KPNA1: variants seen among roughly 807,000 people sequenced by gnomAD.
KPNA1 encodes karyopherin subunit alpha 1.
KPNA1 carries 10 observed loss-of-function variants against 70.5 expected under a neutral mutation model. The observed-to-expected ratio is 0.14, with a 90% CI of 0.09 to 0.24. The LOEUF is 0.24. Ranked by LOEUF, KPNA1 falls within the 10% of genes least tolerant of loss-of-function variation. KPNA1 has a pLI of 1.00. For missense variants in KPNA1, 397 were observed against 637.9 expected (o/e 0.62, Z 4.07); for synonymous variants, 192 against 221.9 (o/e 0.87, Z 1.20).
chr3:122,464,191 T>A, intron 3 of KPNA1, 150 bp from the exon 4 acceptor site: 1 of 423,342 alleles, frequency 2.4e-6, no homozygotes, highest in Non-Finnish European at 4.2e-6. Context: ...TATAGAAACG[T>A]GTAAGATTAT....
intron 3 of KPNA1, among the ~76,000 whole-genome samples, chr3:122,466,257 G>T (rs1014541045): frequency 2.6e-5 from 4 of 151,944 alleles, no homozygotes; most frequent in East Asian, 1.9e-4. Context: ...AAAAAAAAAG[G>T]TGGGGGAGAG....
At position 122,449,739 on chromosome 3, in the gene KPNA1, T is replaced by C; in HGVS notation, c.754-2A>G. On this transcript the variant is annotated splice_acceptor_variant, in intron 8 of 13. Coordinates refer to ENST00000344337, the MANE Select transcript of KPNA1 (RefSeq NM_002264.4). LOFTEE classifies it high-confidence loss of function. ...AAGCACATTCAGACATGGAGAAACC[T>C]GTAAAAGGAAAATGATGATTATGAA... The C allele has an allele frequency of 6.2e-7, 1 of 1,600,618 alleles. No homozygotes were observed. The highest frequency in any genetic ancestry group is 8.5e-7 in the Non-Finnish European group (1 of 1,175,802).
chr3:122,504,966 G>T (rs2076874224), intron 1 of KPNA1, among the ~76,000 whole-genome samples: 1 of 151,446 alleles, frequency 6.6e-6, no homozygotes, highest in African/African-American at 2.4e-5. Context: ...TAATTAATGT[G>T]TCTGAAGCAG....
chr3:122,508,162 G>A (rs2076912912), intron 1 of KPNA1, among the ~76,000 whole-genome samples: 1 of 151,788 alleles, frequency 6.6e-6, no homozygotes, highest in Admixed American at 6.6e-5. Context: ...CCAGAACCAC[G>A]GCATAAAGAG....
chr3:122,480,156 A>T (rs935354421), intron 2 of KPNA1, among the ~76,000 whole-genome samples: 1 of 152,142 alleles, frequency 6.6e-6, no homozygotes, highest in African/African-American at 2.4e-5. Context: ...TTGTTGTAGG[A>T]GGTTGGGGAA....
At chr3:122,493,041 A>G (rs887236460) in intron 2 of KPNA1, among the ~76,000 whole-genome samples, 27 of 152,242 alleles carry the variant, frequency 1.8e-4, no homozygotes, top group African/African-American at 6.3e-4. Context: ...GGTTGAGATG[A>G]TTAGAAAGGT....
chr3:122,453,743 G>T (rs950796638), intron 6 of KPNA1, 127 bp downstream of exon 6: 20 of 756,868 alleles, frequency 2.6e-5, no homozygotes, highest in Non-Finnish European at 3.8e-5. Flanking sequence ...CACCATGTTG[G>T]CTAGGCTGGT....
chr3:122,432,854 G>A (rs773891366), intron 12 of KPNA1: 1 of 152,250 alleles, frequency 6.6e-6, no homozygotes, highest in South Asian at 2.1e-4. Context: ...GCCAAGGCAG[G>A]TGGATCGCCG....
intron 1 of KPNA1, among the ~76,000 whole-genome samples, chr3:122,510,998 T>C (rs1333115620): frequency 6.6e-6 from 1 of 152,198 alleles, no homozygotes; most frequent in Non-Finnish European, 1.5e-5. Flanking sequence ...ACGATCAATG[T>C]GAACACAGTA....
At chr3:122,478,894 CAAA>C (rs57843662) in intron 2 of KPNA1, among the ~76,000 whole-genome samples, 3 of 18,682 alleles carry the variant, frequency 1.6e-4, no homozygotes, top group Non-Finnish European at 2.6e-4. Context: ...AACCTCGTCT[CAAA>C]AAAAAAAAAA....
chr3:122,493,929 G>A (rs1208810833), intron 2 of KPNA1, among the ~76,000 whole-genome samples: 3 of 152,028 alleles, frequency 2.0e-5, no homozygotes, highest in Non-Finnish European at 2.9e-5. Context: ...TAGTGATGTC[G>A]ACCCTTTTTT....
intron 2 of KPNA1, among the ~76,000 whole-genome samples, chr3:122,473,457 A>G (rs187201024): frequency 2.3e-3 from 343 of 152,348 alleles, no homozygotes; most frequent in African/African-American, 7.8e-3. Context: ...TTATGAACAC[A>G]GGTGCAAAAT....
At chr3:122,503,570 C>A (rs1200489900) in intron 1 of KPNA1, among the ~76,000 whole-genome samples, 1 of 152,140 alleles carries the variant, frequency 6.6e-6, no homozygotes, top group Non-Finnish European at 1.5e-5. Context: ...CTTCTGTGAG[C>A]CTGTTTCCTC....
At chr3:122,427,456 A>G in intron 13 of KPNA1, 82 bp downstream of exon 13, 1 of 1,318,338 alleles carries the variant, frequency 7.6e-7, no homozygotes, top group Non-Finnish European at 1.0e-6. Context: ...AGTGCCTAGC[A>G]GTAGTAGTAT....
At chr3:122,511,857 T>C (rs556587838) in intron 1 of KPNA1, among the ~76,000 whole-genome samples, 5 of 152,314 alleles carry the variant, frequency 3.3e-5, no homozygotes, top group Non-Finnish European at 7.4e-5. Flanking sequence ...CTAAAAACAA[T>C]CTGGTAGACT....
chr3:122,438,169 T>C (rs1443414618), intron 10 of KPNA1, among the ~76,000 whole-genome samples: 2 of 152,182 alleles, frequency 1.3e-5, no homozygotes, highest in Non-Finnish European at 2.9e-5. Context: ...GCCATCCCCA[T>C]GGTTCTGTTC....
chr3:122,490,514 T>C (rs1049317288), intron 2 of KPNA1, among the ~76,000 whole-genome samples: 4 of 152,268 alleles, frequency 2.6e-5, no homozygotes, highest in African/African-American at 9.6e-5. Context: ...CCTTTTCTGA[T>C]ACTCAAAATA....
intron 6 of KPNA1, among the ~76,000 whole-genome samples, chr3:122,453,164 C>G (rs1279392475): frequency 6.6e-6 from 1 of 152,106 alleles, no homozygotes; most frequent in African/African-American, 2.4e-5. Flanking sequence ...TGGCTGGTCT[C>G]GAGCTCCTGG....
chr3:122,496,916 C>A (rs1261133702), intron 1 of KPNA1, among the ~76,000 whole-genome samples: 1 of 152,186 alleles, frequency 6.6e-6, no homozygotes, highest in African/African-American at 2.4e-5. Flanking sequence ...GTTGCCCAGG[C>A]TGGTCTTGAA....
Sources: allele counts gnomAD v4.1 joint callset (sites outside exome capture counted in the v4.1 genomes callset), GRCh38; gene constraint gnomAD v4.1.1; transcripts MANE v1.5; gene names NCBI Gene and HGNC (gene_info 2026-07-23, HGNC 2026-07-21).